The following HMGCLL1 variants were observed in gnomAD, a reference collection of about 807,000 sequenced individuals.
The protein encoded by HMGCLL1 is 3-hydroxy-3-methylglutaryl-CoA lyase like 1.
In HMGCLL1, 36 loss-of-function variants were observed where a neutral mutation model predicts 39.1. The observed-to-expected ratio is 0.92, with a 90% CI of 0.71 to 1.22. HMGCLL1 has a LOEUF of 1.22. Among genes scored for constraint, HMGCLL1 ranks in the 50% most tolerant of loss-of-function variants. HMGCLL1 has a pLI of 0.00. For synonymous variants in HMGCLL1, 149 were observed against 144.0 expected (o/e 1.03, Z -0.25); for missense variants, 451 against 416.5 (o/e 1.08, Z -0.72).
At chr6:55,642,900 T>A in the HMGCLL1 span, among the ~76,000 whole-genome samples, 1 of 152,164 alleles carries the variant, frequency 6.6e-6, no homozygotes, top group African/African-American at 2.4e-5. Flanking sequence ...CATTTGATTT[T>A]CCATTTCTGC....
chr6:55,550,947 A>G (rs906842756), intron 1 of HMGCLL1, among the ~76,000 whole-genome samples: 1 of 151,354 alleles, frequency 6.6e-6, no homozygotes, highest in African/African-American at 2.4e-5. Context: ...ATAAAAATTA[A>G]TGAAGGCTAT....
the HMGCLL1 span, among the ~76,000 whole-genome samples, chr6:55,643,457 G>T: frequency 1.3e-5 from 2 of 151,838 alleles, no homozygotes; most frequent in Non-Finnish European, 2.9e-5. Flanking sequence ...AATTGCTTTG[G>T]GCAGTGTGGC....
At chr6:55,506,791 C>A (rs1767189414) in intron 5 of HMGCLL1, among the ~76,000 whole-genome samples, 1 of 151,488 alleles carries the variant, frequency 6.6e-6, no homozygotes, top group Admixed American at 6.6e-5. Flanking sequence ...CAAAAAGAAT[C>A]TGCAAAGTGC....
rs530766288 is a variant in HMGCLL1, at chr6:55,469,894, CT to C, written c.795+25524del. ...TCATGAAGTATAAAGCCAAATGTCC[CT>C]TTTTCAGAAGCACCAAAGATTAACC... On this transcript the variant is annotated intron_variant, in intron 7 of 8. Coordinates refer to ENST00000274901, the MANE Select transcript of HMGCLL1 (RefSeq NM_001042406.2). Among the ~76,000 whole-genome samples the C allele has an allele frequency of 2.3e-4, 35 of 151,912 alleles. 1 individual carries two copies. In the South Asian group the frequency reaches 5.2e-3, roughly 22 times the overall value.
chr6:55,646,222 G>T, the HMGCLL1 span, among the ~76,000 whole-genome samples: 1 of 151,690 alleles, frequency 6.6e-6, no homozygotes, highest in Non-Finnish European at 1.5e-5. Flanking sequence ...TTTGATTTCT[G>T]CAGTATTAGG....
At chr6:55,614,968 C>G in the HMGCLL1 span, among the ~76,000 whole-genome samples, 2 of 151,516 alleles carry the variant, frequency 1.3e-5, no homozygotes, top group Admixed American at 6.6e-5. Context: ...TAACAAGACC[C>G]CATCTCTTTA....
chr6:55,642,660 G>C, the HMGCLL1 span, among the ~76,000 whole-genome samples: 1 of 151,940 alleles, frequency 6.6e-6, no homozygotes, highest in East Asian at 1.9e-4. Flanking sequence ...TACGTTCAGG[G>C]GTACATGTGC....
Position 55,541,805 on chromosome 6 carries a change from A to G in HMGCLL1, c.221T>C (p.Phe74Ser). Residue 74 changes from phenylalanine to serine, a missense_variant, in exon 3 of 9, where the codon TTT (phenylalanine) becomes TCT (serine). Coordinates refer to ENST00000274901, the MANE Select transcript of HMGCLL1 (RefSeq NM_001042406.2). ...VIVPTDIKIE[F>S]INRLSQTGLS... ...GCCAGTTTGGGAAAGTCGATTGATA[A>G]ATTCAATTTTTATATCTGTAGGAAC... 6.2e-7 allele frequency: 1 copy of G among 1,606,816 alleles called. No individual in the cohort carries two copies. The highest frequency in any genetic ancestry group is 2.2e-5 in the East Asian group (1 of 44,636).
the HMGCLL1 span, among the ~76,000 whole-genome samples, chr6:55,584,507 T>C: frequency 6.6e-6 from 1 of 152,086 alleles, no homozygotes; most frequent in Non-Finnish European, 1.5e-5. Flanking sequence ...AATTACAGGG[T>C]TGTTGGCACT....
chr6:55,459,356 A>G (rs1031262319), intron 7 of HMGCLL1, among the ~76,000 whole-genome samples: 5 of 152,152 alleles, frequency 3.3e-5, no homozygotes, highest in African/African-American at 9.7e-5. Flanking sequence ...AAGGGGGAAG[A>G]AAATTATTTT....
intron 7 of HMGCLL1, among the ~76,000 whole-genome samples, chr6:55,447,991 G>C (rs766482733): frequency 6.6e-6 from 1 of 152,114 alleles, no homozygotes; most frequent in Non-Finnish European, 1.5e-5. Flanking sequence ...ATTAGAAGAA[G>C]AACATCGACA....
the HMGCLL1 span, among the ~76,000 whole-genome samples, chr6:55,647,228 T>A: frequency 3.9e-3 from 594 of 152,066 alleles, 7 homozygotes; most frequent in Non-Finnish European, 7.2e-3. Context: ...ATCCTGCCCT[T>A]TTTGGTTTCC....
At chr6:55,536,786 CT>C (rs1299709898) in intron 3 of HMGCLL1, among the ~76,000 whole-genome samples, 9 of 152,090 alleles carry the variant, frequency 5.9e-5, no homozygotes, top group African/African-American at 2.2e-4. Flanking sequence ...TGGAACTTTT[CT>C]TTTAGCTGTT....
chr6:55,551,314 A>G (rs1770316014), intron 1 of HMGCLL1, among the ~76,000 whole-genome samples: 1 of 151,916 alleles, frequency 6.6e-6, no homozygotes, highest in Non-Finnish European at 1.5e-5. Context: ...GGAGGACCGC[A>G]TAATAAGTGG....
Position 55,527,137 on chromosome 6 carries a change from T to A in HMGCLL1, c.298-10534A>T, listed in dbSNP as rs73449059. On this transcript the variant is annotated intron_variant, in intron 3 of 8. Transcript: ENST00000274901. Reference sequence around the variant, plus strand: ...ATATCTTATCTTTTCTATATCTTCATCTTAGTCACTACTAAAGATTGTGTG... The same window carrying A: ...ATATCTTATCTTTTCTATATCTTCAACTTAGTCACTACTAAAGATTGTGTG... Among the ~76,000 whole-genome samples, 333 of 152,198 alleles carry A rather than the reference T, an allele frequency of 2.2e-3. 3 individuals are homozygous for A. Among genetic ancestry groups the A allele is most frequent in the African/African-American group, 7.7e-3 (321 of 41,554 alleles).
At chr6:55,470,267 C>T (rs764948141) in intron 7 of HMGCLL1, among the ~76,000 whole-genome samples, 20 of 151,808 alleles carry the variant, frequency 1.3e-4, no homozygotes, top group Admixed American at 5.3e-4. Context: ...TTCCACTGTA[C>T]GTTTCCGGTC....
At chr6:55,472,824 A>T (rs1012678852) in intron 7 of HMGCLL1, among the ~76,000 whole-genome samples, 9 of 151,520 alleles carry the variant, frequency 5.9e-5, no homozygotes, top group African/African-American at 2.2e-4. Flanking sequence ...TGTCTGCTTG[A>T]TATATCAATT....
intron 8 of HMGCLL1, among the ~76,000 whole-genome samples, chr6:55,437,063 T>C (rs1052567432): frequency 1.3e-5 from 2 of 152,056 alleles, no homozygotes; most frequent in Non-Finnish European, 2.9e-5. Context: ...TTAATGTCTT[T>C]CTTCTCTTTT....
the HMGCLL1 span, among the ~76,000 whole-genome samples, chr6:55,667,963 C>A: frequency 6.6e-6 from 1 of 151,480 alleles, no homozygotes; most frequent in Non-Finnish European, 1.5e-5. Flanking sequence ...TTGCCCAATA[C>A]CTTTTGAATG....
Sources: gnomAD v4.1 joint callset for allele counts (sites outside exome capture counted in the v4.1 genomes callset) on GRCh38, gnomAD v4.1.1 for gene constraint, MANE v1.5 for transcripts, NCBI Gene and HGNC (gene_info 2026-07-23, HGNC 2026-07-21) for gene names.